The following SAMD5 variants were observed in gnomAD, a reference collection of about 807,000 sequenced individuals.
The protein encoded by SAMD5 is sterile alpha motif domain containing 5.
SAMD5 carries 13 observed loss-of-function variants against 11.3 expected under a neutral mutation model. The observed-to-expected ratio is 1.15, with a 90% CI of 0.75 to 1.83. The LOEUF is 1.83. Among genes scored for constraint, SAMD5 ranks in the 40% most tolerant of loss-of-function variants. SAMD5 has a pLI of 0.00. For missense variants in SAMD5, 255 were observed against 239.1 expected, an observed-to-expected ratio of 1.07 and a Z score of -0.44; for synonymous variants, 129 against 111.3, an observed-to-expected ratio of 1.16 and a Z score of -1.00.
the SAMD5 span, among the ~76,000 whole-genome samples, chr6:147,835,611 C>A: frequency 4.6e-5 from 7 of 152,116 alleles, no homozygotes; most frequent in Admixed American, 3.9e-4. Context: ...CTGTTTACCC[C>A]GAGGACCATT....
chr6:147,641,692 T>TTATG (rs1790314408), intron 1 of SAMD5, among the ~76,000 whole-genome samples: 1 of 152,068 alleles, frequency 6.6e-6, no homozygotes, highest in Non-Finnish European at 1.5e-5. Flanking sequence ...TTTTTAAGAG[T>TTATG]TATGTACATG....
chr6:147,786,672 T>G, the SAMD5 span, among the ~76,000 whole-genome samples: 1 of 152,244 alleles, frequency 6.6e-6, no homozygotes. Flanking sequence ...ATGGTTGACA[T>G]GGTTTCATTT....
the SAMD5 span, among the ~76,000 whole-genome samples, chr6:147,887,320 C>T: frequency 6.6e-6 from 1 of 152,162 alleles, no homozygotes; most frequent in Non-Finnish European, 1.5e-5. Context: ...CCTCGGGTCC[C>T]TTTGTAATCT....
the SAMD5 span, among the ~76,000 whole-genome samples, chr6:147,875,565 C>T: frequency 6.6e-6 from 1 of 152,172 alleles, no homozygotes; most frequent in Non-Finnish European, 1.5e-5. Context: ...AGCCCCTGGT[C>T]TGTGGCCTGT....
chr6:147,850,145 G>A, the SAMD5 span, among the ~76,000 whole-genome samples: 317 of 152,226 alleles, frequency 2.1e-3, 3 homozygotes, highest in African/African-American at 7.2e-3. Context: ...AATGAATCTG[G>A]AATCTAGAGG....
intron 1 of SAMD5, among the ~76,000 whole-genome samples, chr6:147,712,672 C>T (rs73787380): frequency 0.084 from 12,805 of 152,014 alleles, 1,337 homozygotes; most frequent in African/African-American, 0.25. Flanking sequence ...GGGACATCTC[C>T]CTCTGCAGAA....
intron 1 of SAMD5, among the ~76,000 whole-genome samples, chr6:147,510,450 G>A (rs1788071537): frequency 6.6e-6 from 1 of 152,156 alleles, no homozygotes. Context: ...TAAAAATCAA[G>A]ACTTAGAAGA....
the SAMD5 span, among the ~76,000 whole-genome samples, chr6:147,908,346 T>TGTG: frequency 6.6e-5 from 10 of 152,032 alleles, no homozygotes; most frequent in Non-Finnish European, 1.5e-4. Context: ...GCAAAGATGT[T>TGTG]TGTGTGTGGA....
the SAMD5 span, among the ~76,000 whole-genome samples, chr6:147,844,310 C>T: frequency 6.6e-6 from 1 of 152,090 alleles, no homozygotes; most frequent in Non-Finnish European, 1.5e-5. Context: ...CTAATATCTA[C>T]TAGATTGGCT....
Position 147,509,261 on chromosome 6 carries a change from C to A in SAMD5, c.333C>A (p.Arg111=). 2 of 1,541,028 alleles carry A rather than the reference C, an allele frequency of 1.3e-6. No individual in the cohort carries two copies. Among genetic ancestry groups the A allele is most frequent in the Non-Finnish European group, 1.7e-6 (2 of 1,147,018 alleles). The change falls in exon 1 of 2, where the codon CGC becomes CGA. Residue 111 remains arginine (R), a synonymous_variant. Coordinates refer to ENST00000367474, the MANE Select transcript of SAMD5 (RefSeq NM_001030060.3). ...GPAQGTRGDS[R]GHTTAPRSRE... ...CCCAGGGCACCCGCGGGGACTCTCG[C>A]GGCCACACGACCGCCCCCCGCAGCA...
chr6:147,635,313 G>T (rs965116668), intron 1 of SAMD5, among the ~76,000 whole-genome samples: 1 of 152,086 alleles, frequency 6.6e-6, no homozygotes, highest in Non-Finnish European at 1.5e-5. Context: ...ATTTCCTGGT[G>T]CCCAGGGCAC....
At chr6:147,908,878 C>G in the SAMD5 span, among the ~76,000 whole-genome samples, 14 of 152,172 alleles carry the variant, frequency 9.2e-5, no homozygotes, top group African/African-American at 2.9e-4. Flanking sequence ...ATTTCAATAC[C>G]AGATGCAGGC....
the SAMD5 span, among the ~76,000 whole-genome samples, chr6:147,833,160 C>G: frequency 6.6e-6 from 1 of 152,222 alleles, no homozygotes; most frequent in Admixed American, 6.5e-5. Flanking sequence ...TTGTAGAACT[C>G]ATTGGCCATT....
In SAMD5 at chr6:147,580,010, T is replaced by A. The variant is rs760708107; in HGVS notation, c.162+70623T>A. 1.2e-4 allele frequency among the ~76,000 whole-genome samples: 18 copies of A among 152,232 alleles called. 1 individual carries two copies. Among genetic ancestry groups the A allele is most frequent in the Non-Finnish European group, 2.1e-4 (14 of 68,036 alleles). The stretch of plus-strand genomic sequence containing the variant: ...TTGAATGCTGGCTACTACTTTCTCC[T>A]TCACGCAGGAGGGAGTATCAAAATG... On this transcript the variant is annotated intron_variant, in intron 1 of 1. Transcript: ENST00000566741.
At chr6:147,713,403 T>C (rs944155477) in intron 1 of SAMD5, among the ~76,000 whole-genome samples, 2 of 152,172 alleles carry the variant, frequency 1.3e-5, no homozygotes, top group African/African-American at 4.8e-5. Flanking sequence ...ATCTACATCT[T>C]GTTCTAAGAA....
In SAMD5 at chr6:147,567,564, A is replaced by C. The variant is rs1583087422; in HGVS notation, c.*3108A>C. The C allele has an allele frequency of 3.3e-6, 3 of 906,834 alleles. No individual in the cohort carries two copies. Among genetic ancestry groups the C allele is most frequent in the Non-Finnish European group, 4.0e-6 (3 of 758,530 alleles). The allele number at this position is 906,834 out of a possible 1,614,324, so 56.2% of individuals were successfully genotyped here. On this transcript the variant is annotated 3_prime_UTR_variant, in exon 2 of 2. Transcript: ENST00000367474. ...AAAATAAATACCTCTATAGCTCTTA[A>C]GAGGCTTAAGAGTTCTATGGCTTAC...
Position 147,565,972 on chromosome 6 carries a change from A to G in SAMD5, c.*1516A>G, listed in dbSNP as rs1041341717. 1.0e-6 allele frequency: 1 copy of G among 985,184 alleles called. No individual in the cohort carries two copies. The highest frequency in any genetic ancestry group is 1.7e-5 in the African/African-American group (1 of 57,242). The allele number at this position is 985,184 out of a possible 1,614,324, so 61.0% of individuals were successfully genotyped here. ...AGTTCCCATCGGCACCGTCATGGTA[A>G]GAAGAATAAGAAACTCTCAAAGGAA... is the stretch of plus-strand genomic sequence containing the variant. On this transcript the variant is annotated 3_prime_UTR_variant, in exon 2 of 2. Transcript: ENST00000367474.
intron 1 of SAMD5, among the ~76,000 whole-genome samples, chr6:147,517,820 A>G (rs1788195116): frequency 6.6e-6 from 1 of 151,986 alleles, no homozygotes; most frequent in Non-Finnish European, 1.5e-5. Context: ...GAGTAATGAC[A>G]TTCAGTAAAG....
intron 1 of SAMD5, among the ~76,000 whole-genome samples, chr6:147,607,265 A>G (rs73582967): frequency 1.3e-5 from 2 of 152,186 alleles, no homozygotes; most frequent in Admixed American, 6.5e-5. Flanking sequence ...TACCCAATAC[A>G]ATCTACAGAT....
Sources: allele counts gnomAD v4.1 joint callset (sites outside exome capture counted in the v4.1 genomes callset), GRCh38; gene constraint gnomAD v4.1.1; transcripts MANE v1.5; gene names NCBI Gene and HGNC (gene_info 2026-07-23, HGNC 2026-07-21).